The following IL1RAPL1 variants were observed in gnomAD, a reference collection of about 807,000 sequenced individuals.
IL1RAPL1 encodes the protein interleukin-1 receptor accessory protein-like 1.
IL1RAPL1 carries 3 observed loss-of-function variants against 48.4 expected under a neutral mutation model. The observed-to-expected ratio is 0.06, with a 90% CI of 0.03 to 0.16. IL1RAPL1 has a LOEUF of 0.16. Ranked by LOEUF, IL1RAPL1 falls within the 10% of genes least tolerant of loss-of-function variation. The probability of loss-of-function intolerance (pLI) is 1.00; values close to 1 mark genes in which losing one functional copy is unlikely to be tolerated. For synonymous variants in IL1RAPL1, 185 were observed against 187.7 expected (o/e 0.99, Z 0.12); for missense variants, 349 against 530.6 (o/e 0.66, Z 3.36).
At chrX:28,609,246 C>A (rs1934118927) in intron 1 of IL1RAPL1, among the ~76,000 whole-genome samples, 1 of 111,398 alleles carries the variant, frequency 9.0e-6, no homozygotes, top group African/African-American at 3.3e-5. Context: ...ACGGGAATAT[C>A]CAATATCCCT....
chrX:29,251,713 A>T (rs934335682), intron 2 of IL1RAPL1, among the ~76,000 whole-genome samples: 2 of 111,149 alleles, frequency 1.8e-5, no homozygotes, highest in Non-Finnish European at 3.8e-5. Flanking sequence ...TTTTGTGTTT[A>T]AGGGGCAACA....
intron 6 of IL1RAPL1, among the ~76,000 whole-genome samples, chrX:29,889,149 T>C (rs974233662): frequency 2.7e-5 from 3 of 112,114 alleles, no homozygotes; most frequent in Non-Finnish European, 5.6e-5. Context: ...TTCATGTTTT[T>C]TTGTGTGCCA....
chrX:28,853,469 C>T (rs1411144459), intron 2 of IL1RAPL1, among the ~76,000 whole-genome samples: 1 of 88,599 alleles, frequency 1.1e-5, no homozygotes, highest in East Asian at 4.1e-4. Context: ...CATTGCAATC[C>T]CCTCAGTGCA....
chrX:29,624,796 A>G (rs1240562643), intron 5 of IL1RAPL1, among the ~76,000 whole-genome samples: 1 of 111,622 alleles, frequency 9.0e-6, no homozygotes, highest in African/African-American at 3.3e-5. Context: ...CAATGAGCCA[A>G]GATTGCCCCC....
At chrX:29,005,360 C>T (rs899120631) in intron 2 of IL1RAPL1, among the ~76,000 whole-genome samples, 2 of 111,605 alleles carry the variant, frequency 1.8e-5, no homozygotes, top group Admixed American at 9.5e-5. Flanking sequence ...TACAGCATTC[C>T]GTTAAGTGAA....
chrX:29,776,169 C>T (rs755881625), intron 6 of IL1RAPL1, among the ~76,000 whole-genome samples: 3 of 111,381 alleles, frequency 2.7e-5, no homozygotes, highest in South Asian at 3.7e-4. Context: ...TAGAATAAGA[C>T]GCGTCAGCTT....
At chrX:29,723,189 T>C (rs2147126513) in intron 6 of IL1RAPL1, among the ~76,000 whole-genome samples, 1 of 112,353 alleles carries the variant, frequency 8.9e-6, no homozygotes, top group South Asian at 3.7e-4. Context: ...TTTAAAACAG[T>C]ATTTCCTTTG....
rs190027487 is a variant in IL1RAPL1, at chrX:29,899,150, A to C, written c.779-18314A>C. Reference sequence around the variant, plus strand: ...GTGTGTGTGTGTGTGTTTTAATGGGATACTGCTTAAGTATACAGGCCAGGA... The same window carrying C: ...GTGTGTGTGTGTGTGTTTTAATGGGCTACTGCTTAAGTATACAGGCCAGGA... On this transcript the variant is annotated intron_variant, in intron 6 of 10. Transcript: ENST00000378993. 1.0e-4 allele frequency among the ~76,000 whole-genome samples: 11 copies of C among 109,052 alleles called. No individual in the cohort carries two copies. The East Asian group carries it at 2.6e-3, about 25-fold the overall frequency. The allele number at this position is 109,052 out of a possible 115,157, so 94.7% of individuals were successfully genotyped here.
At chrX:28,984,570 T>C (rs1925420801) in intron 2 of IL1RAPL1, among the ~76,000 whole-genome samples, 2 of 112,081 alleles carry the variant, frequency 1.8e-5, no homozygotes, top group South Asian at 7.4e-4. Flanking sequence ...TCTTCAGTGC[T>C]TTCTTCTTGT....
At chrX:29,414,657 G>A (rs1288211766) in intron 5 of IL1RAPL1, among the ~76,000 whole-genome samples, 1 of 111,615 alleles carries the variant, frequency 9.0e-6, no homozygotes, top group Non-Finnish European at 1.9e-5. Context: ...AGAGGTCCAG[G>A]CTATGGTAAT....
At chrX:29,850,212 C>T (rs1931334987) in intron 6 of IL1RAPL1, among the ~76,000 whole-genome samples, 1 of 112,073 alleles carries the variant, frequency 8.9e-6, no homozygotes, top group South Asian at 3.7e-4. Flanking sequence ...CCTTTCTGCC[C>T]ACCATCTACC....
chrX:28,686,831 A>G (rs1470772492), intron 1 of IL1RAPL1, among the ~76,000 whole-genome samples: 1 of 111,876 alleles, frequency 8.9e-6, no homozygotes, highest in Non-Finnish European at 1.9e-5. Context: ...CTTGCAAAAG[A>G]CAGTAAGAGA....
chrX:29,571,317 A>C (rs1235072123), intron 5 of IL1RAPL1, among the ~76,000 whole-genome samples: 1 of 111,697 alleles, frequency 9.0e-6, no homozygotes, highest in East Asian at 2.8e-4. Context: ...GTAACCATTA[A>C]AATTAAAATG....
chrX:29,123,090 C>T (rs1928830728), intron 2 of IL1RAPL1, among the ~76,000 whole-genome samples: 3 of 109,253 alleles, frequency 2.7e-5, no homozygotes, highest in Non-Finnish European at 3.8e-5. Flanking sequence ...AGTGCAGTGG[C>T]GCAACCTCAG....
At chrX:29,501,487 T>C in intron 5 of IL1RAPL1, among the ~76,000 whole-genome samples, 1 of 111,687 alleles carries the variant, frequency 9.0e-6, no homozygotes, top group East Asian at 2.8e-4. Context: ...GATGTTTGTG[T>C]ATGGTGAGAG....
intron 2 of IL1RAPL1, among the ~76,000 whole-genome samples, chrX:29,021,215 G>GAAAAAAA (rs746008500): frequency 4.5e-3 from 188 of 41,735 alleles, no homozygotes; most frequent in Non-Finnish European, 5.3e-3. Context: ...CCGTCTCAAG[G>GAAAAAAA]AAAAAAAAAA....
chrX:29,796,961 G>A (rs1929753917), intron 6 of IL1RAPL1, among the ~76,000 whole-genome samples: 1 of 112,513 alleles, frequency 8.9e-6, no homozygotes, highest in African/African-American at 3.2e-5. Flanking sequence ...AGAGTCACCT[G>A]TGTGGTTCCT....
intron 6 of IL1RAPL1, among the ~76,000 whole-genome samples, chrX:29,827,628 T>C (rs1930767739): frequency 8.9e-6 from 1 of 111,991 alleles, no homozygotes; most frequent in African/African-American, 3.2e-5. Flanking sequence ...GACCTGCAGA[T>C]TTAATGCACA....
intron 1 of IL1RAPL1, among the ~76,000 whole-genome samples, chrX:28,668,924 C>T (rs1254356215): frequency 8.9e-6 from 1 of 111,804 alleles, no homozygotes; most frequent in African/African-American, 3.3e-5. Context: ...GCCTGTTTTA[C>T]ATTTCAATAA....
Sources: gnomAD v4.1 joint callset for allele counts (sites outside exome capture counted in the v4.1 genomes callset) on GRCh38, gnomAD v4.1.1 for gene constraint, MANE v1.5 for transcripts, NCBI Gene and HGNC (gene_info 2026-07-23, HGNC 2026-07-21) for gene names.